PIM3: variants seen among roughly 807,000 people sequenced by gnomAD.
The protein encoded by PIM3 is serine/threonine-protein kinase pim-3.
A neutral mutation model predicts 27.5 loss-of-function variants in PIM3; 13 were observed. The observed-to-expected ratio is 0.47, with a 90% confidence interval of 0.31 to 0.75. PIM3 has a LOEUF of 0.75. Ranked by LOEUF, PIM3 falls within the 30% of genes least tolerant of loss-of-function variation. PIM3 has a pLI of 0.05. For synonymous variants in PIM3, 341 were observed against 221.1 expected, an observed-to-expected ratio of 1.54 and a Z score of -4.81; for missense variants, 482 against 476.9, an observed-to-expected ratio of 1.01 and a Z score of -0.10.
chr22:49,962,436 C>G (rs1015602358), intron 4 of PIM3, among the ~76,000 whole-genome samples: 2 of 150,638 alleles, frequency 1.3e-5, no homozygotes, highest in Non-Finnish European at 3.0e-5. Flanking sequence ...CACAGCGCAT[C>G]TGTTTGTTGT....
chr22:49,961,946 G>A (rs1000152175), intron 4 of PIM3, 135 bp downstream of exon 4: 3 of 1,324,536 alleles, frequency 2.3e-6, no homozygotes, highest in Non-Finnish European at 3.1e-6. Context: ...GGGAGCAGAG[G>A]CCCACGCGCT....
rs755088958 is a variant in PIM3 at position 49,961,809 on chromosome 22, A to G, written c.614A>G (p.Asp205Gly). ...LLKDTVYTDF[D>G]GTRVYSPPEW... ...AAGGACACGGTCTACACCGACTTCGACGGTGAGCGCGGGCGCGGGGCAGGG... is the reference window on the plus strand; with the variant it reads ...AAGGACACGGTCTACACCGACTTCGGCGGTGAGCGCGGGCGCGGGGCAGGG... The change falls in exon 4 of 6, where the codon GAC becomes GGC. Residue 205 changes from aspartate (D) to glycine (G), a missense_variant and splice_region_variant. Transcript: ENST00000360612. The G allele has an allele frequency of 6.2e-7, 1 of 1,609,458 alleles. No individual in the cohort carries two copies. The highest frequency in any genetic ancestry group is 1.7e-5 in the Admixed American group (1 of 59,814).
rs1228093177 is a variant in PIM3, at chr22:49,960,870, C to T, written c.-78C>T. On this transcript the variant is annotated 5_prime_UTR_variant, in exon 1 of 6. Coordinates refer to ENST00000360612, the MANE Select transcript of PIM3 (RefSeq NM_001001852.4). ...CGCCTCGGGCTCGGACGGCCGGTGT[C>T]CCCGGCGCGCCGCTCGCCCGGATCG... 9 of 1,077,652 alleles carry T rather than the reference C, an allele frequency of 8.4e-6. No individual in the cohort carries two copies. Among genetic ancestry groups the T allele is most frequent in the East Asian group, 5.4e-5 (1 of 18,528 alleles). 66.8% of individuals were successfully genotyped at this position (1,077,652 alleles called of 1,614,324 possible).
Position 49,961,461 on chromosome 22 carries a change from T to TG in PIM3, c.268dup (p.Glu90GlyfsTer83). ...CCCCAGGGCGGCGCGACCGTGCCCC[T>TG]GGAGGTGGTGCTGCTGCGCAAGGTG... On this transcript the variant is annotated frameshift_variant, in exon 4 of 6. Coordinates refer to ENST00000360612, the MANE Select transcript of PIM3 (RefSeq NM_001001852.4). LOFTEE classifies it high-confidence loss of function. 6.8e-7 allele frequency: 1 copy of TG among 1,462,272 alleles called. No homozygotes were observed. Among genetic ancestry groups the TG allele is most frequent in the South Asian group, 1.4e-5 (1 of 72,010 alleles). 90.6% of individuals were successfully genotyped at this position (1,462,272 alleles called of 1,614,324 possible).
Position 49,963,037 on chromosome 22 carries a change from CGGG to C in PIM3, c.894_896del (p.Gly299del), listed in dbSNP as rs756923033. 1.1e-5 allele frequency: 17 copies of C among 1,611,360 alleles called. No homozygotes were observed. In the African/African-American group the frequency reaches 2.0e-4, roughly 19 times the overall value. ...CCCATCCCTGGATGCTGGGGGCTGACGGGGGCGTCCCGGAGAGCTGTGACCTGC... is the reference window on the plus strand; with the variant it reads ...CCCATCCCTGGATGCTGGGGGCTGACGGCGTCCCGGAGAGCTGTGACCTGC... On this transcript the variant is annotated inframe_deletion, in exon 6 of 6. Coordinates refer to ENST00000360612, the MANE Select transcript of PIM3 (RefSeq NM_001001852.4).
Position 49,961,013 on chromosome 22 carries a change from G to A in PIM3, c.66G>A (p.Pro22=), listed in dbSNP as rs1159595675. The A allele has an allele frequency of 2.2e-6, 3 of 1,389,966 alleles. No individual in the cohort carries two copies. The highest frequency in any genetic ancestry group is 1.5e-5 in the South Asian group (1 of 67,674). The allele number at this position is 1,389,966 out of a possible 1,614,324, so 86.1% of individuals were successfully genotyped here. A position where few individuals can be genotyped will look rare whatever the true frequency, so the allele number is the denominator to read the frequency against. ...GGCCCGGCGGCGTGGACCACCTCCCGGTGAAGATCCTGCAGCCAGGTACGC... is the reference window on the plus strand; with the variant it reads ...GGCCCGGCGGCGTGGACCACCTCCCAGTGAAGATCCTGCAGCCAGGTACGC... ...LCGPGGVDHL[P]VKILQPAKAD... The change falls in exon 1 of 6, where the codon CCG becomes CCA. Residue 22 remains proline (P), a synonymous_variant. Transcript: ENST00000360612.
At position 49,962,817 on chromosome 22, in the gene PIM3, G is replaced by C. The variant is rs148936816; in HGVS notation, c.745G>C (p.Glu249Gln). The C allele has an allele frequency of 6.2e-7, 1 of 1,612,042 alleles. No homozygotes were observed. The highest frequency in any genetic ancestry group is 8.5e-7 in the Non-Finnish European group (1 of 1,179,940). Residue 249 changes from glutamate (E) to glutamine (Q), a missense_variant, in exon 5 of 6, where the codon GAG becomes CAG. By Grantham distance (29) the Glu-to-Gln change is conservative. Coordinates refer to ENST00000360612, the MANE Select transcript of PIM3 (RefSeq NM_001001852.4). ...TGGGGACATCCCCTTCGAGCAGGACGAGGAGATCCTCCGAGGCCGCCTGCT... is the reference window on the plus strand; with the variant it reads ...TGGGGACATCCCCTTCGAGCAGGACCAGGAGATCCTCCGAGGCCGCCTGCT... ...VCGDIPFEQD[E>Q]EILRGRLLFR...
intron 4 of PIM3, among the ~76,000 whole-genome samples, chr22:49,962,443 T>A (rs1242356024): frequency 6.7e-6 from 1 of 148,836 alleles, no homozygotes; most frequent in Non-Finnish European, 1.5e-5. Flanking sequence ...CATCTGTTTG[T>A]TGTGAAAGCC....
intron 2 of PIM3, 39 bp downstream of exon 2, chr22:49,961,273 G>T (rs1411259734): frequency 6.5e-7 from 1 of 1,539,420 alleles, no homozygotes; most frequent in Non-Finnish European, 8.7e-7. Context: ...TTTCTCGCGC[G>T]CCTTGCGCCT....
Position 49,961,467 on chromosome 22 carries a change from T to C in PIM3, c.272T>C (p.Val91Ala). The C allele has an allele frequency of 1.4e-6, 2 of 1,468,032 alleles. No individual in the cohort carries two copies. Among genetic ancestry groups the C allele is most frequent in the South Asian group, 1.4e-5 (1 of 73,030 alleles). 90.9% of individuals were successfully genotyped at this position (1,468,032 alleles called of 1,614,324 possible). A position where few individuals can be genotyped will look rare whatever the true frequency, so the allele number is the denominator to read the frequency against. Residue 91 changes from valine to alanine, a missense_variant, in exon 4 of 6, where the codon GTG becomes GCG. By Grantham distance (64) the Val-to-Ala change is moderately conservative. Coordinates refer to ENST00000360612, the MANE Select transcript of PIM3 (RefSeq NM_001001852.4). The stretch of plus-strand genomic sequence containing the variant: ...GGCGGCGCGACCGTGCCCCTGGAGG[T>C]GGTGCTGCTGCGCAAGGTGGGCGCG... ...SLGGATVPLE[V>A]VLLRKVGAAG...
Position 49,961,244 on chromosome 22 carries a change from A to G in PIM3, c.195+10A>G, listed in dbSNP as rs2060905214. On this transcript the variant is annotated intron_variant, in intron 2 of 5. Transcript: ENST00000360612. ...CGCCGACGGGCTCCCGGTGAGTCGG[A>G]CCGCCGGGCGGGCCCGGGTTTCTCG... 2 of 1,533,674 alleles carry G rather than the reference A, an allele frequency of 1.3e-6. No homozygotes were observed. The highest frequency in any genetic ancestry group is 8.7e-7 in the Non-Finnish European group (1 of 1,144,602).
At position 49,963,519 on chromosome 22, in the gene PIM3, G is replaced by C. The variant is rs1006645205; in HGVS notation, c.*392G>C. ...TCTGGGCACGTCCTGCACACACAAT[G>C]CAAGTCCTGGCCTCCGCGCCCGCCC... On this transcript the variant is annotated 3_prime_UTR_variant, in exon 6 of 6. Transcript: ENST00000360612. The C allele has an allele frequency of 1.0e-4, 18 of 174,220 alleles. No homozygotes were observed. The highest frequency in any genetic ancestry group is 2.5e-4 in the Admixed American group (4 of 15,900). The allele number at this position is 174,220 out of a possible 1,614,324, so 10.8% of individuals were successfully genotyped here.
intron 4 of PIM3, among the ~76,000 whole-genome samples, chr22:49,962,174 T>A (rs2060910994): frequency 6.6e-6 from 1 of 151,832 alleles, no homozygotes; most frequent in African/African-American, 2.4e-5. Context: ...GGGCTGGGTC[T>A]GCGCCGGGAG....
intron 4 of PIM3, among the ~76,000 whole-genome samples, chr22:49,962,016 G>A (rs1488763655): frequency 6.6e-6 from 1 of 152,138 alleles, no homozygotes; most frequent in South Asian, 2.1e-4. Flanking sequence ...GGGGCTAGGG[G>A]CGCGCTCAAT....
At position 49,961,326 on chromosome 22, in the gene PIM3, G is replaced by A; in HGVS notation, c.204G>A (p.Val68=). ...SRIADGLPVA[V]KHVVKERVTE... Reference sequence around the variant, plus strand: ...CCCCCGCGTCTCCGCAGGTGGCTGTGAAGCACGTGGTGAAGGAGCGGGTGA... The same window carrying A: ...CCCCCGCGTCTCCGCAGGTGGCTGTAAAGCACGTGGTGAAGGAGCGGGTGA... The change falls in exon 3 of 6, where the codon GTG becomes GTA. Residue 68 remains valine, a synonymous_variant. Transcript: ENST00000360612. The A allele has an allele frequency of 6.5e-7, 1 of 1,543,954 alleles. No individual in the cohort carries two copies. Among genetic ancestry groups the A allele is most frequent in the Non-Finnish European group, 8.7e-7 (1 of 1,150,022 alleles).
At chr22:49,962,347 C>T (rs1224100303) in intron 4 of PIM3, among the ~76,000 whole-genome samples, 3 of 143,714 alleles carry the variant, frequency 2.1e-5, no homozygotes, top group East Asian at 2.1e-4. Context: ...CCCTCCCTCT[C>T]TCCCCTCCCC....
At chr22:49,961,842 CG>C (rs2060909137) in intron 4 of PIM3, 31 bp downstream of exon 4, 2 of 1,607,522 alleles carry the variant, frequency 1.2e-6, no homozygotes, top group South Asian at 1.1e-5. Context: ...GGGAACGTTC[CG>C]GGGGCCTTGC....
chr22:49,962,877 C>T lies in PIM3; in HGVS notation c.793+12C>T. On this transcript the variant is annotated intron_variant, in intron 5 of 5. Transcript: ENST00000360612. ...GAGGGTCTCTCCAGGTGCGTGGTGGCTCGAGGCGGGGGTGGGGGCCTCGCC... is the reference window on the plus strand; with the variant it reads ...GAGGGTCTCTCCAGGTGCGTGGTGGTTCGAGGCGGGGGTGGGGGCCTCGCC... 2 of 1,604,282 alleles carry T rather than the reference C, an allele frequency of 1.2e-6. No homozygotes were observed.
rs1297774448 is a variant in PIM3, at chr22:49,961,022, C to T, written c.75C>T (p.Ile25=). The change falls in exon 1 of 6, where the codon ATC becomes ATT. Residue 25 remains isoleucine (I), a synonymous_variant. Coordinates refer to ENST00000360612, the MANE Select transcript of PIM3 (RefSeq NM_001001852.4). ...GCGTGGACCACCTCCCGGTGAAGAT[C>T]CTGCAGCCAGGTACGCGCGGGGCCG... The part of the protein sequence containing the change: ...PGGVDHLPVK[I]LQPAKADKES... The T allele has an allele frequency of 1.7e-5, 24 of 1,380,058 alleles. No homozygotes were observed. The highest frequency in any genetic ancestry group is 1.6e-5 in the Non-Finnish European group (17 of 1,056,418). The allele number at this position is 1,380,058 out of a possible 1,614,324, so 85.5% of individuals were successfully genotyped here.
Sources: gnomAD v4.1 joint callset for allele counts (sites outside exome capture counted in the v4.1 genomes callset) on GRCh38, gnomAD v4.1.1 for gene constraint, MANE v1.5 for transcripts, NCBI Gene and HGNC (gene_info 2026-07-23, HGNC 2026-07-21) for gene names.